RORA: variants seen among roughly 807,000 people sequenced by gnomAD.
RORA encodes the protein nuclear receptor ROR-alpha.
RORA carries 7 observed loss-of-function variants against 69.5 expected under a neutral mutation model. That is an observed-to-expected ratio of 0.10 (90% CI 0.06 to 0.19). RORA has a LOEUF of 0.19. RORA is among the 10% of genes least tolerant of loss of function. The probability of loss-of-function intolerance (pLI) is 1.00; values close to 1 mark genes in which losing one functional copy is unlikely to be tolerated. For synonymous variants in RORA, 261 were observed against 240.8 expected, an observed-to-expected ratio of 1.08 and a Z score of -0.78; for missense variants, 457 against 663.0, an observed-to-expected ratio of 0.69 and a Z score of 3.41.
At chr15:60,595,622 C>T (rs533315270) in intron 2 of RORA, among the ~76,000 whole-genome samples, 1 of 150,822 alleles carries the variant, frequency 6.6e-6, no homozygotes, top group Admixed American at 6.6e-5. Context: ...TTATGAGTAC[C>T]GACTGAGGGA....
intron 1 of RORA, among the ~76,000 whole-genome samples, chr15:60,711,881 T>C (rs2071148935): frequency 6.6e-6 from 1 of 152,160 alleles, no homozygotes; most frequent in Non-Finnish European, 1.5e-5. Context: ...TATATGATAA[T>C]AAAACAGCAA....
intron 1 of RORA, among the ~76,000 whole-genome samples, chr15:61,204,501 T>C (rs2079922166): frequency 6.6e-6 from 1 of 152,152 alleles, no homozygotes; most frequent in Non-Finnish European, 1.5e-5. Context: ...CGAGCACGTA[T>C]GTGAGTAGGG....
At chr15:60,688,236 T>C (rs1263421419) in intron 1 of RORA, among the ~76,000 whole-genome samples, 2 of 151,668 alleles carry the variant, frequency 1.3e-5, no homozygotes, top group African/African-American at 4.8e-5. Context: ...TCCCAAAGCA[T>C]AGTATATCAT....
chr15:61,100,366 C>T (rs193218586), intron 1 of RORA, among the ~76,000 whole-genome samples: 3 of 152,280 alleles, frequency 2.0e-5, no homozygotes, highest in African/African-American at 4.8e-5. Flanking sequence ...ATGATCTACC[C>T]TCTTTGGCCT....
At chr15:60,893,160 C>T (rs1424649794) in intron 1 of RORA, among the ~76,000 whole-genome samples, 1 of 152,208 alleles carries the variant, frequency 6.6e-6, no homozygotes, top group African/African-American at 2.4e-5. Flanking sequence ...CCAGGTTACC[C>T]AAGGACACAG....
rs540848942 is a variant in RORA at position 61,045,965 on chromosome 15, A to G, written c.166+183088T>C. Among the ~76,000 whole-genome samples, 3 of 152,318 alleles carry G rather than the reference A, an allele frequency of 2.0e-5. No individual in the cohort carries two copies. The East Asian group carries it at 5.8e-4, about 29-fold the overall frequency. ...TGTCTCCTGGCAGTCTCCCCCAGAC[A>G]TCTGCAACCCCCACTGCAACAACCT... is the stretch of plus-strand genomic sequence containing the variant. On this transcript the variant is annotated intron_variant, in intron 1 of 10. Coordinates refer to ENST00000335670, the MANE Select transcript of RORA (RefSeq NM_134261.3).
chr15:60,812,124 A>G (rs2072753028), intron 1 of RORA, among the ~76,000 whole-genome samples: 1 of 152,204 alleles, frequency 6.6e-6, no homozygotes, highest in African/African-American at 2.4e-5. Context: ...TTGACCCCAG[A>G]AAATCTGCTT....
chr15:60,643,678 CT>C (rs2069985706), intron 2 of RORA, among the ~76,000 whole-genome samples: 1 of 152,204 alleles, frequency 6.6e-6, no homozygotes, highest in African/African-American at 2.4e-5. Context: ...CCTGACCCCT[CT>C]TTTCTCCTTC....
chr15:61,054,421 C>T (rs1403145757), intron 1 of RORA, among the ~76,000 whole-genome samples: 1 of 151,996 alleles, frequency 6.6e-6, no homozygotes, highest in Non-Finnish European at 1.5e-5. Flanking sequence ...CTGTGACTTC[C>T]CTTAGAGAGG....
At chr15:60,780,847 A>AG (rs111456066) in intron 1 of RORA, among the ~76,000 whole-genome samples, 2 of 152,328 alleles carry the variant, frequency 1.3e-5, no homozygotes, top group African/African-American at 4.8e-5. Context: ...CATTCTAGCA[A>AG]GGGAAGGGAC....
chr15:60,529,490 A>C lies in RORA; in HGVS notation c.282+2276T>G, dbSNP rs185207067. The C allele has an allele frequency of 2.2e-3, 328 of 152,322 alleles. 1 individual carries two copies. The highest frequency in any genetic ancestry group is 7.6e-3 in the African/African-American group (315 of 41,570). The allele number at this position is 152,322 out of a possible 1,614,324, so 9.4% of individuals were successfully genotyped here. On this transcript the variant is annotated intron_variant, in intron 3 of 10. Transcript: ENST00000335670. ...AAGTCCCTGGCTAGGCATAGGCCCA[A>C]TCTGTTAATAAAATTATGTTTTATT... is the stretch of plus-strand genomic sequence containing the variant.
chr15:60,828,855 G>T (rs1320172046), intron 1 of RORA, among the ~76,000 whole-genome samples: 1 of 152,124 alleles, frequency 6.6e-6, no homozygotes, highest in Non-Finnish European at 1.5e-5. Flanking sequence ...CCTCTGTAAA[G>T]GTGCAGAATT....
chr15:60,947,886 G>A (rs1312002110), intron 1 of RORA, among the ~76,000 whole-genome samples: 2 of 152,086 alleles, frequency 1.3e-5, no homozygotes, highest in Admixed American at 1.3e-4. Context: ...ATGGGGCCTT[G>A]GGGCCTCAGG....
intron 1 of RORA, among the ~76,000 whole-genome samples, chr15:61,138,832 TA>T (rs201293768): frequency 6.6e-6 from 1 of 151,310 alleles, no homozygotes; most frequent in African/African-American, 2.4e-5. Flanking sequence ...TAAAATAAAA[TA>T]AAAAAATAAA....
At chr15:60,648,510 C>T (rs2070092236) in intron 2 of RORA, among the ~76,000 whole-genome samples, 1 of 152,176 alleles carries the variant, frequency 6.6e-6, no homozygotes, top group Non-Finnish European at 1.5e-5. Flanking sequence ...TCCACAGAAA[C>T]ACTACTACAG....
chr15:60,613,464 G>T (rs1177914663), intron 2 of RORA, among the ~76,000 whole-genome samples: 4 of 152,020 alleles, frequency 2.6e-5, no homozygotes, highest in Non-Finnish European at 5.9e-5. Context: ...TGTCAGTTGG[G>T]CAGGGAACTT....
At position 60,629,187 on chromosome 15, in the gene RORA, C is replaced by CTTTTTTTTT. The variant is rs34687322; in HGVS notation, c.196+49461_196+49469dup. Among the ~76,000 whole-genome samples, 130 of 112,004 alleles carry CTTTTTTTTT rather than the reference C, an allele frequency of 1.2e-3. 18 individuals are homozygous for CTTTTTTTTT. Among genetic ancestry groups the CTTTTTTTTT allele is most frequent in the African/African-American group, 3.7e-3 (101 of 26,990 alleles). 73.5% of individuals were successfully genotyped at this position (112,004 alleles called of 152,430 possible). On this transcript the variant is annotated intron_variant, in intron 2 of 10. Coordinates refer to ENST00000335670, the MANE Select transcript of RORA (RefSeq NM_134261.3). The stretch of plus-strand genomic sequence containing the variant: ...TGTTTATAAGGATTGACTGTTTATT[C>CTTTTTTTTT]TTTTTTTTTTTTTTTTTTGAAACAG...
chr15:60,512,907 C>T (rs7181714), intron 4 of RORA, among the ~76,000 whole-genome samples: 8,429 of 152,248 alleles, frequency 0.055, 765 homozygotes, highest in African/African-American at 0.19. Flanking sequence ...CATGAACTCA[C>T]TTATTTTTCA....
intron 2 of RORA, among the ~76,000 whole-genome samples, chr15:60,623,869 T>C (rs567752536): frequency 2.6e-5 from 4 of 152,350 alleles, no homozygotes; most frequent in East Asian, 1.9e-4. Context: ...GTGCCTAACA[T>C]AGAATCTTTA....
Sources: gnomAD v4.1 joint callset for allele counts (sites outside exome capture counted in the v4.1 genomes callset) on GRCh38, gnomAD v4.1.1 for gene constraint, MANE v1.5 for transcripts, NCBI Gene and HGNC (gene_info 2026-07-23, HGNC 2026-07-21) for gene names.